The following FBXW4 variants were observed in gnomAD, a reference collection of about 807,000 sequenced individuals.
The protein encoded by FBXW4 is F-box/WD repeat-containing protein 4.
FBXW4 carries 40 observed loss-of-function variants against 61.8 expected under a neutral mutation model. That is an observed-to-expected ratio of 0.65 (90% CI 0.50 to 0.84). The LOEUF (loss-of-function observed/expected upper bound fraction) is 0.84. Ranked by LOEUF, FBXW4 falls within the 40% of genes least tolerant of loss-of-function variation. The pLI, the probability that FBXW4 is intolerant of heterozygous loss-of-function variation, is 0.00. For synonymous variants in FBXW4, 311 were observed against 313.8 expected, an observed-to-expected ratio of 0.99 and a Z score of 0.10; for missense variants, 672 against 753.8, an observed-to-expected ratio of 0.89 and a Z score of 1.27.
rs1028615444 is a variant in FBXW4, at chr10:101,618,355, G to A, written c.1302-5878C>T. On this transcript the variant is annotated intron_variant, in intron 6 of 8. Coordinates refer to ENST00000331272, the MANE Select transcript of FBXW4 (RefSeq NM_022039.4). ...GGGTCAGGATCAAGGAGAGCTTCGTGGTGGAGGTGCTGTTTATATTGAAGA... is the reference window on the plus strand; with the variant it reads ...GGGTCAGGATCAAGGAGAGCTTCGTAGTGGAGGTGCTGTTTATATTGAAGA... 4.0e-4 allele frequency among the ~76,000 whole-genome samples: 61 copies of A among 152,192 alleles called. 1 individual carries two copies. Among genetic ancestry groups the A allele is most frequent in the African/African-American group, 1.4e-3 (60 of 41,442 alleles).
rs1177396761 is a variant in FBXW4 at position 101,694,180 on chromosome 10, T to C, written c.725+201A>G. ...CTACTGAGGGATGCTCTCGGGAGGC[T>C]GCCTCAGATGGAGGCCTTGGGGAGG... On this transcript the variant is annotated intron_variant, in intron 1 of 8. Transcript: ENST00000331272. This position sits in a 1 kb window ranked among gnomAD's most constrained non-coding sequence, Gnocchi z 6.0. Among the ~76,000 whole-genome samples the C allele has an allele frequency of 6.6e-6, 1 of 152,076 alleles. No homozygotes were observed. Among genetic ancestry groups the C allele is most frequent in the Non-Finnish European group, 1.5e-5 (1 of 67,984 alleles).
intron 5 of FBXW4, chr10:101,628,048 G>C (rs958403018): frequency 4.5e-6 from 4 of 885,768 alleles, no homozygotes; most frequent in Middle Eastern, 5.8e-4. Flanking sequence ...CACGGTGCTG[G>C]CTCCTGTGCT....
At chr10:101,672,850 G>T in intron 4 of FBXW4, 65 bp downstream of exon 4, 1 of 1,564,336 alleles carries the variant, frequency 6.4e-7, no homozygotes. Flanking sequence ...GAGACTCAGG[G>T]ATCTATCCAC....
intron 5 of FBXW4, among the ~76,000 whole-genome samples, chr10:101,646,779 AT>A (rs1236667381): frequency 6.6e-6 from 1 of 152,150 alleles, no homozygotes; most frequent in African/African-American, 2.4e-5. Context: ...GGGGTTTTAC[AT>A]TTTGGTTCTG....
intron 1 of FBXW4, among the ~76,000 whole-genome samples, chr10:101,689,505 C>T (rs1415796545): frequency 2.6e-5 from 4 of 152,060 alleles, no homozygotes; most frequent in East Asian, 1.9e-4. Context: ...TTCCAAACGC[C>T]GAAGACAATA....
At chr10:101,693,106 C>T (rs760234375) in intron 1 of FBXW4, among the ~76,000 whole-genome samples, 1 of 152,118 alleles carries the variant, frequency 6.6e-6, no homozygotes, top group Non-Finnish European at 1.5e-5. Flanking sequence ...AAAAGAGATG[C>T]AAAATAACAC....
Position 101,695,123 on chromosome 10 carries a change from G to T in FBXW4, c.-18C>A, listed in dbSNP as rs1437415492. 1 of 985,272 alleles carries T rather than the reference G, an allele frequency of 1.0e-6. No individual in the cohort carries two copies. The allele number at this position is 985,272 out of a possible 1,614,324, so 61.0% of individuals were successfully genotyped here. On this transcript the variant is annotated 5_prime_UTR_variant, in exon 1 of 9. Transcript: ENST00000331272. The surrounding 1 kb of genome is among the most constrained non-coding windows in gnomAD (Gnocchi z 4.2). ...CTGCCCATGAGCGGCCGCGGGGCCG[G>T]CCCGACGCGGAGCCCAGCCCGAGCC...
At chr10:101,660,265 A>AAT in intron 5 of FBXW4, 1 of 966,458 alleles carries the variant, frequency 1.0e-6, no homozygotes, top group Non-Finnish European at 1.2e-6. Flanking sequence ...TGAACCTCCG[A>AAT]CTGCAACACA....
upstream of FBXW4, chr10:101,695,202 G>C (rs2064664052): frequency 1.0e-6 from 1 of 985,070 alleles, no homozygotes; most frequent in African/African-American, 1.7e-5. This position sits in a 1 kb window ranked among gnomAD's most constrained non-coding sequence, Gnocchi z 4.2. Context: ...GGGTCACATG[G>C]GGCGGCGCGG....
chr10:101,613,088 G>A (rs1434767996), intron 6 of FBXW4: 1 of 152,212 alleles, frequency 6.6e-6, no homozygotes, highest in Non-Finnish European at 1.5e-5. Context: ...CCCCAGCCCG[G>A]GGCTAGCACG....
intron 1 of FBXW4, 122 bp from the exon 2 acceptor site, chr10:101,676,558 C>A: frequency 1.5e-6 from 1 of 687,150 alleles, no homozygotes; most frequent in East Asian, 2.7e-5. Context: ...GATTAGGAGA[C>A]CAGGAAGGAG....
Position 101,611,415 on chromosome 10 carries a change from A to G in FBXW4, c.1585-5T>C, listed in dbSNP as rs2063782766. 10 of 1,612,670 alleles carry G rather than the reference A, an allele frequency of 6.2e-6. No homozygotes were observed. The highest frequency in any genetic ancestry group is 5.5e-5 in the South Asian group (5 of 90,814). On this transcript the variant is annotated splice_polypyrimidine_tract_variant and splice_region_variant and intron_variant, in intron 8 of 8. Transcript: ENST00000331272. The surrounding 1 kb of genome is among the most constrained non-coding windows in gnomAD (Gnocchi z 4.9). Reference sequence around the variant, plus strand: ...AGTCGACGTCAGCGGGAAGGCCTGGAAGGGAGGGCACAGGAAGTGGTAAGA... The same window carrying G: ...AGTCGACGTCAGCGGGAAGGCCTGGGAGGGAGGGCACAGGAAGTGGTAAGA...
At chr10:101,673,991 C>T (rs4326724) in intron 2 of FBXW4, among the ~76,000 whole-genome samples, 4,849 of 152,148 alleles carry the variant, frequency 0.032, 98 homozygotes, top group East Asian at 0.11. Context: ...CTCATGGGTA[C>T]GCAGAGCTTA....
chr10:101,685,475 T>C (rs3758559), intron 1 of FBXW4, among the ~76,000 whole-genome samples: 110,164 of 152,120 alleles, frequency 0.72, 40,236 homozygotes, highest in East Asian at 0.96. Context: ...TACAGGGATT[T>C]CTATCAGACA....
chr10:101,625,730 C>A (rs2063902535), intron 5 of FBXW4: 1 of 152,244 alleles, frequency 6.6e-6, no homozygotes, highest in African/African-American at 2.4e-5. Flanking sequence ...CTTCAGGAAA[C>A]CTGGGCTTGA....
chr10:101,653,085 C>T lies in FBXW4; in HGVS notation c.1235+14801G>A, dbSNP rs968338429. ...GTCCCATAAAACAAAATTCAGTCTTCTCAAACCCAGTGCCTCCTCCATCAT... is the reference window on the plus strand; with the variant it reads ...GTCCCATAAAACAAAATTCAGTCTTTTCAAACCCAGTGCCTCCTCCATCAT... On this transcript the variant is annotated intron_variant, in intron 5 of 8. Coordinates refer to ENST00000331272, the MANE Select transcript of FBXW4 (RefSeq NM_022039.4). Among the ~76,000 whole-genome samples, 3 of 152,186 alleles carry T rather than the reference C, an allele frequency of 2.0e-5. 1 individual carries two copies. The highest frequency in any genetic ancestry group is 4.1e-4 in the South Asian group (2 of 4,830).
At chr10:101,672,813 C>G in intron 4 of FBXW4, 102 bp downstream of exon 4, 1 of 1,417,110 alleles carries the variant, frequency 7.1e-7, no homozygotes, top group Non-Finnish European at 9.6e-7. Context: ...TCTCCCCTGT[C>G]CCCAGACGAT....
intron 6 of FBXW4, among the ~76,000 whole-genome samples, chr10:101,615,120 C>T (rs1314787412): frequency 1.3e-5 from 2 of 152,180 alleles, no homozygotes; most frequent in Non-Finnish European, 2.9e-5. Context: ...CCCCCAAATT[C>T]AGACATTTCA....
At chr10:101,632,504 G>C (rs568831849) in intron 5 of FBXW4, among the ~76,000 whole-genome samples, 147 of 152,210 alleles carry the variant, frequency 9.7e-4, no homozygotes, top group African/African-American at 3.5e-3. Context: ...GCCTAGCCCA[G>C]GCTAGACAAA....
Sources: gnomAD v4.1 joint callset for allele counts (sites outside exome capture counted in the v4.1 genomes callset) on GRCh38, gnomAD v4.1.1 for gene constraint, Gnocchi (gnomAD v3.1) non-coding constraint, MANE v1.5 for transcripts, NCBI Gene and HGNC (gene_info 2026-07-23, HGNC 2026-07-21) for gene names.